COMMD10: variants seen among roughly 807,000 people sequenced by gnomAD.
COMMD10 encodes the protein COMM domain containing 10, also known as COMM domain-containing protein 10.
In COMMD10, 33 loss-of-function variants were observed where a neutral mutation model predicts 28.9. The observed-to-expected ratio is 1.14, with a 90% CI of 0.87 to 1.53. The LOEUF (loss-of-function observed/expected upper bound fraction) is 1.53, where lower values mean the gene tolerates loss of function less well. Ranked by LOEUF, COMMD10 falls within the 40% of genes most tolerant of loss-of-function variation. The probability of loss-of-function intolerance (pLI) is 0.00; values close to 1 mark genes in which losing one functional copy is unlikely to be tolerated. For missense variants in COMMD10, 310 were observed against 233.4 expected, an observed-to-expected ratio of 1.33 and a Z score of -2.14; for synonymous variants, 110 against 81.7, an observed-to-expected ratio of 1.35 and a Z score of -1.87.
intron 5 of COMMD10, among the ~76,000 whole-genome samples, chr5:116,148,886 A>G (rs906740152): frequency 6.6e-6 from 1 of 151,892 alleles, no homozygotes; most frequent in Non-Finnish European, 1.5e-5. Flanking sequence ...GTTTTAGGGT[A>G]CATGTGCACA....
chr5:116,150,122 C>T (rs1329841244), intron 5 of COMMD10, among the ~76,000 whole-genome samples: 1 of 152,038 alleles, frequency 6.6e-6, no homozygotes, highest in African/African-American at 2.4e-5. Context: ...GAATACTTTC[C>T]CCATTTCTTG....
intron 5 of COMMD10, among the ~76,000 whole-genome samples, chr5:116,275,583 A>AC (rs1561404701): frequency 1.3e-5 from 2 of 151,770 alleles, no homozygotes; most frequent in African/African-American, 4.9e-5. Context: ...TGTAACCCCA[A>AC]CACCCTAGCG....
At chr5:116,212,536 G>T (rs1416956387) in intron 5 of COMMD10, among the ~76,000 whole-genome samples, 2 of 149,240 alleles carry the variant, frequency 1.3e-5, no homozygotes, top group African/African-American at 5.1e-5. Flanking sequence ...AATGTGAGGG[G>T]GGTTGGATAG....
chr5:116,277,572 C>T (rs1420583384), intron 5 of COMMD10, among the ~76,000 whole-genome samples: 1 of 151,934 alleles, frequency 6.6e-6, no homozygotes, highest in Non-Finnish European at 1.5e-5. Context: ...TATTATTATG[C>T]TGCAGTTTAC....
At chr5:116,186,391 C>A (rs1397023537) in intron 5 of COMMD10, among the ~76,000 whole-genome samples, 1 of 151,686 alleles carries the variant, frequency 6.6e-6, no homozygotes, top group Non-Finnish European at 1.5e-5. Flanking sequence ...CCTCTCCTTT[C>A]TAGCTCTAAG....
intron 5 of COMMD10, among the ~76,000 whole-genome samples, chr5:116,156,616 C>A (rs375091290): frequency 6.6e-6 from 1 of 152,076 alleles, no homozygotes; most frequent in African/African-American, 2.4e-5. Flanking sequence ...TGAATACTTT[C>A]CATCTCTTTT....
rs1303759299 is a variant in COMMD10, at chr5:116,169,962, C to T, written c.510+35784C>T. Among the ~76,000 whole-genome samples the T allele has an allele frequency of 2.6e-5, 4 of 152,142 alleles. 1 individual carries two copies. The highest frequency in any genetic ancestry group is 2.6e-4 in the Admixed American group (4 of 15,286). ...GATGCCCTCTCTCACCACCCCTATT[C>T]ATCATAGTATGGGAAGCCCTGGCCA... On this transcript the variant is annotated intron_variant, in intron 5 of 6. Coordinates refer to ENST00000274458, the MANE Select transcript of COMMD10 (RefSeq NM_016144.4).
chr5:116,155,796 C>G (rs1346070220), intron 5 of COMMD10, among the ~76,000 whole-genome samples: 1 of 152,050 alleles, frequency 6.6e-6, no homozygotes, highest in Admixed American at 6.6e-5. Context: ...TTTACTTACA[C>G]TGCTTTAAAC....
At chr5:116,162,360 TAA>T (rs1375793664) in intron 5 of COMMD10, among the ~76,000 whole-genome samples, 11 of 152,170 alleles carry the variant, frequency 7.2e-5, no homozygotes, top group African/African-American at 2.7e-4. Flanking sequence ...TTGACCTATT[TAA>T]ATTTATGAAA....
chr5:116,273,692 C>A (rs1228262857), intron 5 of COMMD10, among the ~76,000 whole-genome samples: 1 of 151,640 alleles, frequency 6.6e-6, no homozygotes, highest in East Asian at 1.9e-4. Flanking sequence ...ATATAGCAAG[C>A]AAAAGCTGAA....
intron 4 of COMMD10, among the ~76,000 whole-genome samples, chr5:116,104,684 A>G (rs559837370): frequency 8.6e-5 from 13 of 151,098 alleles, no homozygotes; most frequent in Non-Finnish European, 1.9e-4. Context: ...CAGTGGCACG[A>G]TGTCGGCTCA....
chr5:116,182,058 A>G (rs545691133), intron 5 of COMMD10, among the ~76,000 whole-genome samples: 4 of 152,180 alleles, frequency 2.6e-5, no homozygotes, highest in Admixed American at 2.6e-4. Flanking sequence ...GAACAAGGAG[A>G]TGATTGATAC....
chr5:116,210,328 A>G (rs559227501), intron 5 of COMMD10, among the ~76,000 whole-genome samples: 24 of 151,396 alleles, frequency 1.6e-4, no homozygotes, highest in African/African-American at 5.8e-4. Flanking sequence ...ATTTATATAT[A>G]TATATACATA....
chr5:116,240,859 G>A (rs1422207405), intron 5 of COMMD10, among the ~76,000 whole-genome samples: 3 of 152,158 alleles, frequency 2.0e-5, no homozygotes, highest in Non-Finnish European at 4.4e-5. Flanking sequence ...TCCTGCAATG[G>A]TGAACTATTT....
At chr5:116,215,025 T>C (rs887949083) in intron 5 of COMMD10, among the ~76,000 whole-genome samples, 3 of 152,132 alleles carry the variant, frequency 2.0e-5, no homozygotes, top group African/African-American at 7.2e-5. Context: ...TTTCATTTTT[T>C]CTTAATAGTT....
intron 5 of COMMD10, among the ~76,000 whole-genome samples, chr5:116,163,647 G>C (rs1561641462): frequency 6.6e-6 from 1 of 152,010 alleles, no homozygotes; most frequent in East Asian, 1.9e-4. Context: ...AAACTATCTT[G>C]ATGATTTTGT....
At chr5:116,206,475 A>C (rs1414465962) in intron 5 of COMMD10, among the ~76,000 whole-genome samples, 1 of 152,130 alleles carries the variant, frequency 6.6e-6, no homozygotes, top group African/African-American at 2.4e-5. Flanking sequence ...ACATGGTGAA[A>C]CCCAGTTTCC....
intron 5 of COMMD10, among the ~76,000 whole-genome samples, chr5:116,241,601 T>TATTTA (rs1324532831): frequency 2.0e-5 from 3 of 149,244 alleles, no homozygotes; most frequent in African/African-American, 7.3e-5. Context: ...TTTATTTATT[T>TATTTA]ATTTATTTAT....
chr5:116,128,187 G>T (rs574620404), intron 4 of COMMD10, among the ~76,000 whole-genome samples: 1 of 152,104 alleles, frequency 6.6e-6, no homozygotes, highest in Non-Finnish European at 1.5e-5. Flanking sequence ...GATGTGCTTA[G>T]AATTTTGGTT....
Sources: allele counts gnomAD v4.1 joint callset (sites outside exome capture counted in the v4.1 genomes callset), GRCh38; gene constraint gnomAD v4.1.1; transcripts MANE v1.5; gene names NCBI Gene and HGNC (gene_info 2026-07-23, HGNC 2026-07-21).